SNTB2: variants seen among roughly 807,000 people sequenced by gnomAD.
SNTB2 encodes beta-2-syntrophin.
A neutral mutation model predicts 46.2 loss-of-function variants in SNTB2; 34 were observed. The observed-to-expected ratio is 0.74, with a 90% CI of 0.56 to 0.98. SNTB2 has a LOEUF of 0.98. SNTB2 is among the 50% of genes least tolerant of loss of function. The pLI, the probability that SNTB2 is intolerant of heterozygous loss-of-function variation, is 0.00. For missense variants in SNTB2, 603 were observed against 731.4 expected (o/e 0.82, Z 2.02); for synonymous variants, 290 against 312.6 (o/e 0.93, Z 0.76).
chr16:69,189,674 C>A (rs1964031510), intron 1 of SNTB2, among the ~76,000 whole-genome samples: 1 of 152,182 alleles, frequency 6.6e-6, no homozygotes, highest in African/African-American at 2.4e-5. Context: ...GAGGTGGAGG[C>A]TGCAGTGAGC....
At chr16:69,286,021 G>T (rs1371284877) in intron 5 of SNTB2, among the ~76,000 whole-genome samples, 1 of 152,152 alleles carries the variant, frequency 6.6e-6, no homozygotes, top group Non-Finnish European at 1.5e-5. Flanking sequence ...TTGAACTTCT[G>T]ACCTCAGGTG....
At chr16:69,249,802 A>G (rs1373471776) in intron 2 of SNTB2, among the ~76,000 whole-genome samples, 2 of 152,192 alleles carry the variant, frequency 1.3e-5, no homozygotes, top group African/African-American at 2.4e-5. Context: ...AATTTTACTT[A>G]AGATATCAAA....
intron 1 of SNTB2, among the ~76,000 whole-genome samples, chr16:69,213,747 C>T (rs1964314931): frequency 6.6e-6 from 1 of 151,238 alleles, no homozygotes; most frequent in Admixed American, 6.6e-5. Context: ...TTCCACCCGC[C>T]TTAGCATCCC....
chr16:69,215,190 C>T (rs1964334835), intron 1 of SNTB2, among the ~76,000 whole-genome samples: 2 of 152,166 alleles, frequency 1.3e-5, no homozygotes, highest in Admixed American at 1.3e-4. Context: ...TACTTACCAT[C>T]CTGGGTAATG....
chr16:69,268,737 C>T (rs960222217), intron 3 of SNTB2, among the ~76,000 whole-genome samples: 2 of 150,466 alleles, frequency 1.3e-5, no homozygotes, highest in African/African-American at 4.9e-5. Flanking sequence ...TGGCAGCATG[C>T]ACCTATTGTC....
chr16:69,226,078 T>G (rs564125740), intron 1 of SNTB2, among the ~76,000 whole-genome samples: 11 of 151,154 alleles, frequency 7.3e-5, no homozygotes, highest in African/African-American at 2.4e-4. Context: ...GTTTTTTGTT[T>G]TTTGATTTTT....
chr16:69,296,003 G>A (rs114103612), intron 5 of SNTB2, among the ~76,000 whole-genome samples: 3,218 of 152,296 alleles, frequency 0.021, 118 homozygotes, highest in African/African-American at 0.073. Context: ...ACTATGGCCG[G>A]GTGTAGTGGC....
chr16:69,300,341 C>G (rs1427112474), intron 6 of SNTB2, among the ~76,000 whole-genome samples: 1 of 151,936 alleles, frequency 6.6e-6, no homozygotes, highest in Non-Finnish European at 1.5e-5. Flanking sequence ...ACCTCTGCCT[C>G]CCTGGTTCAA....
intron 4 of SNTB2, among the ~76,000 whole-genome samples, chr16:69,277,662 C>T (rs1365932219): frequency 6.6e-6 from 1 of 152,174 alleles, no homozygotes; most frequent in Non-Finnish European, 1.5e-5. Flanking sequence ...TTATGTGAGG[C>T]TGTAACTGCA....
At position 69,266,666 on chromosome 16, in the gene SNTB2, G is replaced by A. The variant is rs78906997; in HGVS notation, c.1006-3477G>A. On this transcript the variant is annotated intron_variant, in intron 3 of 6. Transcript: ENST00000336278. Reference sequence around the variant, plus strand: ...AGGTTTTCCAAATGCTTATACTCTAGCCTTCAAAAATCTCTCTCTTATAAC... The same window carrying A: ...AGGTTTTCCAAATGCTTATACTCTAACCTTCAAAAATCTCTCTCTTATAAC... Among the ~76,000 whole-genome samples, 865 of 152,144 alleles carry A rather than the reference G, an allele frequency of 5.7e-3. 8 individuals carry two copies. The highest frequency in any genetic ancestry group is 0.01 in the Non-Finnish European group (683 of 67,998).
intron 1 of SNTB2, among the ~76,000 whole-genome samples, chr16:69,191,572 A>AAAAAAAGC (rs1964054988): frequency 1.4e-5 from 2 of 142,874 alleles, no homozygotes; most frequent in Admixed American, 7.1e-5. Flanking sequence ...AAAAAAAAAA[A>AAAAAAAGC]AAAAAAGCAA....
At chr16:69,188,268 C>T (rs750258799) in intron 1 of SNTB2, among the ~76,000 whole-genome samples, 1 of 152,210 alleles carries the variant, frequency 6.6e-6, no homozygotes, top group Non-Finnish European at 1.5e-5. Context: ...GAGATCATAG[C>T]ATTTCATTGA....
intron 5 of SNTB2, among the ~76,000 whole-genome samples, chr16:69,289,117 A>G (rs1965134774): frequency 6.6e-6 from 1 of 151,932 alleles, no homozygotes; most frequent in African/African-American, 2.4e-5. Context: ...TAAAAATACA[A>G]AATTAGCCAG....
rs187923435 is a variant in SNTB2, at chr16:69,290,988, T to C, written c.1345+6744T>C. Among the ~76,000 whole-genome samples, 15 of 152,362 alleles carry C rather than the reference T, an allele frequency of 9.8e-5. No individual in the cohort carries two copies. In the East Asian group the frequency reaches 2.5e-3, roughly 25 times the overall value. ...TACATATTTACTGAATGTTTTAGTA[T>C]TTATCAAGTGCTGTGCTTTGTAATA... On this transcript the variant is annotated intron_variant, in intron 5 of 6. Coordinates refer to ENST00000336278, the MANE Select transcript of SNTB2 (RefSeq NM_006750.4).
intron 4 of SNTB2, among the ~76,000 whole-genome samples, chr16:69,275,087 T>C (rs1315812737): frequency 6.6e-6 from 1 of 151,774 alleles, no homozygotes; most frequent in Non-Finnish European, 1.5e-5. Flanking sequence ...CTCTTTTTTT[T>C]TCTGACGAAC....
chr16:69,221,934 C>T (rs955293065), intron 1 of SNTB2, among the ~76,000 whole-genome samples: 5 of 152,134 alleles, frequency 3.3e-5, no homozygotes, highest in Admixed American at 2.6e-4. Flanking sequence ...CAAAGCAAAG[C>T]AAAACAAAAC....
chr16:69,220,492 A>G (rs1398392786), intron 1 of SNTB2, among the ~76,000 whole-genome samples: 1 of 151,290 alleles, frequency 6.6e-6, no homozygotes, highest in Non-Finnish European at 1.5e-5. Flanking sequence ...TATAATTTAC[A>G]TACAGTAACA....
intron 1 of SNTB2, among the ~76,000 whole-genome samples, chr16:69,198,598 T>C (rs1964128925): frequency 1.3e-5 from 2 of 152,162 alleles, no homozygotes; most frequent in South Asian, 4.1e-4. Context: ...TGTGCTTGGG[T>C]CTGAAAAGAA....
chr16:69,259,236 ATTTTTTTTTTTTTT>A (rs58387978), intron 2 of SNTB2, among the ~76,000 whole-genome samples: 4 of 69,136 alleles, frequency 5.8e-5, no homozygotes, highest in African/African-American at 1.7e-4. Flanking sequence ...GGTCTTTCTG[ATTTTTTTTTTTTTT>A]TTTTTTTTTT....
Sources: allele counts gnomAD v4.1 joint callset (sites outside exome capture counted in the v4.1 genomes callset), GRCh38; gene constraint gnomAD v4.1.1; transcripts MANE v1.5; gene names NCBI Gene and HGNC (gene_info 2026-07-23, HGNC 2026-07-21).